The following EFHB variants were observed in gnomAD, a reference collection of about 807,000 sequenced individuals.
EFHB encodes EF-hand domain-containing family member B.
In EFHB, 91 loss-of-function variants were observed where a neutral mutation model predicts 87.2. That is an observed-to-expected ratio of 1.04 (90% CI 0.88 to 1.24). EFHB has a LOEUF of 1.24. Ranked by LOEUF, EFHB falls within the 50% of genes most tolerant of loss-of-function variation. EFHB has a pLI of 0.00. For synonymous variants in EFHB, 325 were observed against 333.6 expected, an observed-to-expected ratio of 0.97 and a Z score of 0.28; for missense variants, 1,084 against 998.8, an observed-to-expected ratio of 1.09 and a Z score of -1.15.
intron 5 of EFHB, among the ~76,000 whole-genome samples, chr3:19,911,556 T>C (rs1695063342): frequency 6.6e-6 from 1 of 151,546 alleles, no homozygotes; most frequent in Non-Finnish European, 1.5e-5. Flanking sequence ...AGACTCCATT[T>C]CAAAAAACAA....
chr3:19,908,598 G>GAGAGAGAAAGAA (rs1694937855), intron 5 of EFHB, among the ~76,000 whole-genome samples: 7 of 77,848 alleles, frequency 9.0e-5, no homozygotes, highest in East Asian at 1.1e-3. Context: ...GAGAGAGAGA[G>GAGAGAGAAAGAA]AGAAAGAAAG....
intron 1 of EFHB, among the ~76,000 whole-genome samples, chr3:19,946,639 C>T (rs1696289736): frequency 6.6e-6 from 1 of 152,096 alleles, no homozygotes; most frequent in Non-Finnish European, 1.5e-5. Context: ...GCAGCCTTTA[C>T]CGACCTACCC....
chr3:19,940,360 T>G, intron 1 of EFHB: 1 of 393,588 alleles, frequency 2.5e-6, no homozygotes, highest in Non-Finnish European at 5.0e-6. Flanking sequence ...CTGCTAGAGC[T>G]TTGTAATGAT....
chr3:19,886,930 T>C (rs761736621), intron 10 of EFHB, among the ~76,000 whole-genome samples: 15 of 152,160 alleles, frequency 9.9e-5, no homozygotes, highest in South Asian at 2.1e-4. Flanking sequence ...TTTTGAGATA[T>C]GATCATTATA....
chr3:19,937,093 G>A (rs998048673), upstream of EFHB, among the ~76,000 whole-genome samples: 22 of 149,962 alleles, frequency 1.5e-4, no homozygotes, highest in Middle Eastern at 7.2e-3. Flanking sequence ...CACTTGAACC[G>A]GGGAGGCAGA....
chr3:19,941,314 T>A, intron 1 of EFHB: 1 of 208,104 alleles, frequency 4.8e-6, no homozygotes. Context: ...GATTCATTCA[T>A]AGAGAAAATG....
At chr3:19,908,602 A>AGAGAG (rs1559459816) in intron 5 of EFHB, among the ~76,000 whole-genome samples, 39 of 77,310 alleles carry the variant, frequency 5.0e-4, no homozygotes, top group Middle Eastern at 0.014. Context: ...GAGAGAGAGA[A>AGAGAG]AGAAAGAAAG....
chr3:19,945,864 C>T (rs1373330362), intron 1 of EFHB: 2 of 152,180 alleles, frequency 1.3e-5, no homozygotes, highest in African/African-American at 4.8e-5. Flanking sequence ...GATACCTTAA[C>T]CCGGTACACT....
At chr3:19,897,297 T>TC (rs1416025170) in intron 8 of EFHB, among the ~76,000 whole-genome samples, 1 of 152,230 alleles carries the variant, frequency 6.6e-6, no homozygotes, top group Non-Finnish European at 1.5e-5. Context: ...TATGTGAGTT[T>TC]CCAGTTGGCC....
At chr3:19,917,078 C>G (rs907583310) in intron 4 of EFHB, among the ~76,000 whole-genome samples, 1 of 151,842 alleles carries the variant, frequency 6.6e-6, no homozygotes, top group Non-Finnish European at 1.5e-5. Flanking sequence ...TTAAACCTAT[C>G]GAAAAGAAGA....
rs1238143252 is a variant in EFHB at position 19,933,948 on chromosome 3, G to A, written c.71C>T (p.Thr24Ile). 2 of 1,613,580 alleles carry A rather than the reference G, an allele frequency of 1.2e-6. No individual in the cohort carries two copies. The highest frequency in any genetic ancestry group is 1.7e-6 in the Non-Finnish European group (2 of 1,179,760). The change falls in exon 1 of 13, where the codon ACA becomes ATA. Residue 24 changes from threonine (T) to isoleucine (I), a missense_variant. Physicochemically the swap from Thr to Ile is moderately conservative, Grantham distance 89. Coordinates refer to ENST00000295824, the MANE Select transcript of EFHB (RefSeq NM_144715.4). The part of the protein sequence containing the change: ...DLGDKRVIMG[T>I]KFPMELGIRV... The stretch of plus-strand genomic sequence containing the variant: ...GATCCCCAACTCCATGGGAAATTTT[G>A]TTCCCATGATGACCCTCTTGTCTCC...
rs2125124166 is a variant in EFHB at position 19,891,930 on chromosome 3, T to C, written c.1726-3279A>G. On this transcript the variant is annotated intron_variant, in intron 9 of 12. Coordinates refer to ENST00000295824, the MANE Select transcript of EFHB (RefSeq NM_144715.4). ...TTGTGACTGCCAGAAGTTGACTCAT[T>C]TGTCTTACGGTGAGAGAGGACACAT... 2.0e-5 allele frequency among the ~76,000 whole-genome samples: 3 copies of C among 152,242 alleles called. No homozygotes were observed. In the South Asian group the frequency reaches 6.2e-4, roughly 32 times the overall value.
chr3:19,933,932 C>T lies in EFHB; in HGVS notation c.87G>A (p.Glu29=). Residue 29 remains glutamate (E), a synonymous_variant, in exon 1 of 13, where the codon GAG becomes GAA. Transcript: ENST00000295824. ...RVIMGTKFPM[E]LGIRVGLGKE... The stretch of plus-strand genomic sequence containing the variant: ...TTCCTAATCCTACTCTGATCCCCAA[C>T]TCCATGGGAAATTTTGTTCCCATGA... 6.2e-7 allele frequency: 1 copy of T among 1,613,980 alleles called. No homozygotes were observed.
intron 11 of EFHB, among the ~76,000 whole-genome samples, chr3:19,884,154 GT>G (rs1559443032): frequency 3.2e-4 from 49 of 152,152 alleles, no homozygotes; most frequent in Non-Finnish European, 5.6e-4. Flanking sequence ...AACATTCAAT[GT>G]TCTGATCTAT....
intron 9 of EFHB, among the ~76,000 whole-genome samples, chr3:19,889,760 G>A (rs1694240233): frequency 6.6e-6 from 1 of 152,224 alleles, no homozygotes; most frequent in African/African-American, 2.4e-5. Flanking sequence ...GGCCAGGCAC[G>A]GTGGCTCATG....
At chr3:19,936,828 A>T (rs1696033737), upstream of EFHB, among the ~76,000 whole-genome samples, 1 of 151,606 alleles carries the variant, frequency 6.6e-6, no homozygotes, top group Non-Finnish European at 1.5e-5. Flanking sequence ...AGATTGCGCC[A>T]TTGCACTCCA....
intron 6 of EFHB, among the ~76,000 whole-genome samples, chr3:19,904,420 C>A (rs1694771791): frequency 6.6e-6 from 1 of 152,084 alleles, no homozygotes; most frequent in Admixed American, 6.6e-5. Flanking sequence ...CCCAGGCTGG[C>A]CTCAAGCTCC....
chr3:19,916,306 G>A (rs921340391), intron 4 of EFHB, among the ~76,000 whole-genome samples: 1 of 151,896 alleles, frequency 6.6e-6, no homozygotes, highest in Non-Finnish European at 1.5e-5. Flanking sequence ...TCTGGGGTCG[G>A]GAGTTCAAGA....
intron 4 of EFHB, among the ~76,000 whole-genome samples, chr3:19,916,550 A>G (rs1285008495): frequency 6.6e-6 from 1 of 152,054 alleles, no homozygotes; most frequent in African/African-American, 2.4e-5. Context: ...ATTAATTTAA[A>G]AAATGAATCT....
Sources: allele counts gnomAD v4.1 joint callset (sites outside exome capture counted in the v4.1 genomes callset), GRCh38; gene constraint gnomAD v4.1.1; transcripts MANE v1.5; gene names NCBI Gene and HGNC (gene_info 2026-07-23, HGNC 2026-07-21).